CEP152: variants seen among roughly 807,000 people sequenced by gnomAD.
CEP152 encodes the protein centrosomal protein 152, also known as centrosomal protein of 152 kDa.
A neutral mutation model predicts 188.9 loss-of-function variants in CEP152; 132 were observed. The observed-to-expected ratio is 0.70, with a 90% CI of 0.61 to 0.81. The LOEUF (loss-of-function observed/expected upper bound fraction) is 0.81, where lower values mean the gene tolerates loss of function less well. CEP152 is among the 30% of genes least tolerant of loss of function. The pLI is 0.00. For missense variants in CEP152, 1,914 were observed against 1,969.8 expected, an observed-to-expected ratio of 0.97 and a Z score of 0.54; for synonymous variants, 649 against 666.6, an observed-to-expected ratio of 0.97 and a Z score of 0.41.
chr15:48,731,695 T>A (rs917639001), intron 2 of CEP152, among the ~76,000 whole-genome samples: 1 of 152,196 alleles, frequency 6.6e-6, no homozygotes, highest in South Asian at 2.1e-4. Context: ...TGGGATCTAA[T>A]TAAGCTAAAG....
At chr15:48,775,602 A>G (rs1270645109) in intron 12 of CEP152, among the ~76,000 whole-genome samples, 3 of 152,200 alleles carry the variant, frequency 2.0e-5, no homozygotes, top group Non-Finnish European at 1.5e-5. Flanking sequence ...TCAGCAGCAG[A>G]CATGCTTGAG....
chr15:48,736,651 C>T (rs1472904213), downstream of CEP152, among the ~76,000 whole-genome samples: 4 of 152,110 alleles, frequency 2.6e-5, no homozygotes, highest in Non-Finnish European at 4.4e-5. Flanking sequence ...CTATCTCCAA[C>T]CAATTGGATA....
At position 48,788,869 on chromosome 15, in the gene CEP152, T is replaced by G; in HGVS notation, c.1105A>C (p.Lys369Gln). Residue 369 changes from lysine to glutamine, a missense_variant, in exon 9 of 27, where the codon AAG becomes CAG. Physicochemically the swap from Lys to Gln is moderately conservative, Grantham distance 53. Coordinates refer to ENST00000380950, the MANE Select transcript of CEP152 (RefSeq NM_001194998.2). ...AAGGACAATACTTGCTCTTCGTACT[T>G]CTTTGTGAGGCCCATAACAATGCTC... is the stretch of plus-strand genomic sequence containing the variant. ...HESIVMGLTK[K>Q]YEEQVLSLQK... is the part of the protein sequence containing the mutation. The G allele has an allele frequency of 6.2e-7, 1 of 1,614,196 alleles. No individual in the cohort carries two copies. Among genetic ancestry groups the G allele is most frequent in the South Asian group, 1.1e-5 (1 of 91,088 alleles).
At chr15:48,745,046 T>C (rs1017450329) in intron 22 of CEP152, 54 bp from the exon 23 acceptor site, 23 of 1,297,322 alleles carry the variant, frequency 1.8e-5, no homozygotes, top group Non-Finnish European at 2.0e-5. Flanking sequence ...TTAAGCCTTC[T>C]TTTCCCTTAA....
chr15:48,781,099 T>C lies in CEP152; in HGVS notation c.1577+97A>G, dbSNP rs72739866. Reference sequence around the variant, plus strand: ...GCATTCAATACACAGTGTTAACATATGAAAATAATACGCTCTCACCTTAAA... The same window carrying C: ...GCATTCAATACACAGTGTTAACATACGAAAATAATACGCTCTCACCTTAAA... On this transcript the variant is annotated intron_variant, in intron 12 of 26. Coordinates refer to ENST00000380950, the MANE Select transcript of CEP152 (RefSeq NM_001194998.2). 0.2 allele frequency: 217,824 copies of C among 1,076,144 alleles called. 24,857 individuals are homozygous for C. Among genetic ancestry groups the C allele is most frequent in the Middle Eastern group, 0.29 (1,299 of 4,484 alleles). The allele number at this position is 1,076,144 out of a possible 1,614,324, so 66.7% of individuals were successfully genotyped here.
At chr15:48,793,693 T>A (rs1028956164) in intron 6 of CEP152, among the ~76,000 whole-genome samples, 1 of 152,206 alleles carries the variant, frequency 6.6e-6, no homozygotes, top group African/African-American at 2.4e-5. Flanking sequence ...CCTGTTCATA[T>A]AGATACATGT....
At position 48,795,595 on chromosome 15, in the gene CEP152, G is replaced by C. The variant is rs1043075336; in HGVS notation, c.691+415C>G. On this transcript the variant is annotated intron_variant, in intron 6 of 26. Transcript: ENST00000380950. Reference sequence around the variant, plus strand: ...AACACTATACAAATAAGGAGAAAAGGCTTAACAAACTAGAATGACTGAAAT... The same window carrying C: ...AACACTATACAAATAAGGAGAAAAGCCTTAACAAACTAGAATGACTGAAAT... Among the ~76,000 whole-genome samples the C allele has an allele frequency of 3.3e-5, 5 of 152,268 alleles. No individual in the cohort carries two copies. In the East Asian group the frequency reaches 7.7e-4, roughly 23 times the overall value.
chr15:48,784,479 A>T (rs953287331), intron 9 of CEP152, among the ~76,000 whole-genome samples: 1 of 152,202 alleles, frequency 6.6e-6, no homozygotes, highest in Non-Finnish European at 1.5e-5. Flanking sequence ...GTATAAGTGT[A>T]TGTATATATA....
chr15:48,732,289 C>T (rs1461307496), intron 2 of CEP152, among the ~76,000 whole-genome samples: 1 of 152,084 alleles, frequency 6.6e-6, no homozygotes, highest in African/African-American at 2.4e-5. Context: ...AACTCAAATG[C>T]CCATTAATGA....
At chr15:48,805,363 T>C (rs1473612711) in intron 2 of CEP152, among the ~76,000 whole-genome samples, 200 bp downstream of exon 2, 1 of 152,168 alleles carries the variant, frequency 6.6e-6, no homozygotes, top group Non-Finnish European at 1.5e-5. Context: ...CAGTTGTGTT[T>C]TATTCCTGTC....
rs769317027 is a variant in CEP152 at position 48,739,094 on chromosome 15, T to G, written c.4288A>C (p.Ser1430Arg). The G allele has an allele frequency of 1.2e-6, 2 of 1,614,222 alleles. No homozygotes were observed. The highest frequency in any genetic ancestry group is 4.5e-5 in the East Asian group (2 of 44,882). ...TCTTTGGATCCCACATGCTTTATGC[T>G]CTGATGCTCTGAGTTCTCTAACAGC... ...QRLLENSEHQ[S>R]IKHVGSKETH... Residue 1430 changes from serine (S) to arginine (R), a missense_variant, in exon 27 of 27, where the codon AGC (serine) becomes CGC (arginine). Ser to Arg is a moderately radical substitution (Grantham distance 110). Coordinates refer to ENST00000380950, the MANE Select transcript of CEP152 (RefSeq NM_001194998.2).
At chr15:48,730,506 C>T (rs910772611) in intron 2 of CEP152, among the ~76,000 whole-genome samples, 2 of 152,128 alleles carry the variant, frequency 1.3e-5, no homozygotes, top group South Asian at 4.1e-4. Context: ...AAAGCCCATG[C>T]TCACCACATA....
intron 2 of CEP152, among the ~76,000 whole-genome samples, chr15:48,805,104 A>G (rs1179334190): frequency 6.6e-6 from 1 of 152,184 alleles, no homozygotes; most frequent in Non-Finnish European, 1.5e-5. Context: ...TTGCTTTCAT[A>G]GCACTCCAAT....
At chr15:48,780,437 A>G (rs1216387259) in intron 12 of CEP152, among the ~76,000 whole-genome samples, 1 of 152,212 alleles carries the variant, frequency 6.6e-6, no homozygotes, top group Non-Finnish European at 1.5e-5. Flanking sequence ...TTTTCAGGAC[A>G]TTTATATATT....
intron 19 of CEP152, among the ~76,000 whole-genome samples, chr15:48,758,053 C>T (rs1025516124): frequency 3.3e-5 from 5 of 152,224 alleles, no homozygotes; most frequent in African/African-American, 9.6e-5. Context: ...ACCTGAGCAG[C>T]TTTTAAAAAT....
Position 48,738,035 on chromosome 15 carries a change from C to T in CEP152, c.*214G>A, listed in dbSNP as rs550246625. ...ATGGTTTAGAAACCAAAAATAAGCA[C>T]CACACAAAAGCAGATTATACATACA... On this transcript the variant is annotated 3_prime_UTR_variant, in exon 27 of 27. Coordinates refer to ENST00000380950, the MANE Select transcript of CEP152 (RefSeq NM_001194998.2). The T allele has an allele frequency of 4.7e-5, 25 of 537,206 alleles. No homozygotes were observed. Among genetic ancestry groups the T allele is most frequent in the South Asian group, 3.6e-4 (13 of 35,988 alleles). 33.3% of individuals were successfully genotyped at this position (537,206 alleles called of 1,614,324 possible). A position where few individuals can be genotyped will look rare whatever the true frequency, so the allele number is the denominator to read the frequency against.
chr15:48,792,267 G>C (rs1470554130), intron 7 of CEP152, among the ~76,000 whole-genome samples: 1 of 152,170 alleles, frequency 6.6e-6, no homozygotes, highest in East Asian at 1.9e-4. Context: ...CGGGATTACA[G>C]GAGTGAGCCA....
At chr15:48,804,494 G>A (rs1378708195) in intron 2 of CEP152, among the ~76,000 whole-genome samples, 1 of 152,066 alleles carries the variant, frequency 6.6e-6, no homozygotes, top group Non-Finnish European at 1.5e-5. Flanking sequence ...ATAGCGTCAG[G>A]ACAAAAGAAG....
chr15:48,776,383 G>A (rs1050190078), intron 12 of CEP152, among the ~76,000 whole-genome samples: 3 of 152,016 alleles, frequency 2.0e-5, no homozygotes, highest in South Asian at 2.1e-4. Flanking sequence ...CTCAATACTG[G>A]CTAGGTTACC....
Sources: gnomAD v4.1 joint callset for allele counts (sites outside exome capture counted in the v4.1 genomes callset) on GRCh38, gnomAD v4.1.1 for gene constraint, MANE v1.5 for transcripts, NCBI Gene and HGNC (gene_info 2026-07-23, HGNC 2026-07-21) for gene names.